Variants in FBLN2 observed in about 807,000 individuals in gnomAD.
FBLN2 encodes the protein fibulin-2.
Under a neutral mutation model 123.7 loss-of-function variants are expected in FBLN2, and 81 were observed. The ratio of observed to expected loss-of-function variants is 0.65; its 90% CI spans 0.55 to 0.79. The LOEUF (loss-of-function observed/expected upper bound fraction) is 0.79, where lower values mean the gene tolerates loss of function less well. FBLN2 is among the 30% of genes least tolerant of loss of function. The probability of loss-of-function intolerance (pLI) is 0.00; values close to 1 mark genes in which losing one functional copy is unlikely to be tolerated. For synonymous variants in FBLN2, 699 were observed against 701.4 expected, an observed-to-expected ratio of 1.00 and a Z score of 0.05; for missense variants, 1,603 against 1,681.3, an observed-to-expected ratio of 0.95 and a Z score of 0.81.
rs1259591797 is a variant in FBLN2, at chr3:13,613,964, A to G, written c.1549-20A>G. 1 of 1,606,618 alleles carries G rather than the reference A, an allele frequency of 6.2e-7. No individual in the cohort carries two copies. The highest frequency in any genetic ancestry group is 8.5e-7 in the Non-Finnish European group (1 of 1,177,752). Reference sequence around the variant, plus strand: ...GGCTGGGGCCAGAGATTGGGCAGTGATAACTGTCTCTCCCTGCAGCAATGC... The same window carrying G: ...GGCTGGGGCCAGAGATTGGGCAGTGGTAACTGTCTCTCCCTGCAGCAATGC... On this transcript the variant is annotated intron_variant, in intron 4 of 17. Coordinates refer to ENST00000404922, the MANE Select transcript of FBLN2 (RefSeq NM_001004019.2).
intron 1 of FBLN2, among the ~76,000 whole-genome samples, chr3:13,556,906 C>G (rs1313650236): frequency 6.6e-6 from 1 of 152,228 alleles, no homozygotes; most frequent in Non-Finnish European, 1.5e-5. Flanking sequence ...GATCTGTCAG[C>G]CCTGGGTCAA....
In FBLN2 at chr3:13,618,190, T is replaced by G. The variant is rs372118309; in HGVS notation, c.1844T>G (p.Leu615Arg). ...GAGTGCCTTCTCCTCCCGGGAGAGCTGTGCCAGCACCTTTGCATCAATACT... is the reference window on the plus strand; with the variant it reads ...GAGTGCCTTCTCCTCCCGGGAGAGCGGTGCCAGCACCTTTGCATCAATACT... ...QDECLLLPGELCQHLCINTVG... is the reference protein window; with the variant it reads ...QDECLLLPGERCQHLCINTVG... The change falls in exon 6 of 18, where the codon CTG becomes CGG. Residue 615 changes from leucine to arginine, a missense_variant. By Grantham distance (102) the Leu-to-Arg change is moderately radical. Coordinates refer to ENST00000404922, the MANE Select transcript of FBLN2 (RefSeq NM_001004019.2). 78 of 1,613,720 alleles carry G rather than the reference T, an allele frequency of 4.8e-5. 1 individual carries two copies. The highest frequency in any genetic ancestry group is 6.4e-5 in the Non-Finnish European group (76 of 1,179,904).
At chr3:13,627,643 C>T (rs1178923738) in intron 10 of FBLN2, among the ~76,000 whole-genome samples, 189 bp from the exon 11 acceptor site, 1 of 152,238 alleles carries the variant, frequency 6.6e-6, no homozygotes. Context: ...GCGCAGTAAA[C>T]ATGGTCACGT....
intron 2 of FBLN2, among the ~76,000 whole-genome samples, chr3:13,589,502 C>T (rs2124853263): frequency 6.6e-6 from 1 of 152,272 alleles, no homozygotes; most frequent in Middle Eastern, 3.4e-3. Context: ...CCACACTAAG[C>T]AGCTGGGACA....
intron 2 of FBLN2, among the ~76,000 whole-genome samples, chr3:13,577,233 A>G (rs1433731517): frequency 6.6e-6 from 1 of 151,746 alleles, no homozygotes; most frequent in Non-Finnish European, 1.5e-5. Context: ...AAAAAAAAAA[A>G]AAAAAAAAGC....
chr3:13,566,696 C>CA (rs1703757927), intron 1 of FBLN2, among the ~76,000 whole-genome samples: 1 of 152,216 alleles, frequency 6.6e-6, no homozygotes, highest in African/African-American at 2.4e-5. Context: ...GCCCAGACGA[C>CA]TTGGGGAACC....
Position 13,549,191 on chromosome 3 carries a change from C to T in FBLN2, c.-59C>T, listed in dbSNP as rs1703256727. On this transcript the variant is annotated 5_prime_UTR_variant, in exon 1 of 18. Transcript: ENST00000404922. Reference sequence around the variant, plus strand: ...GCCGGGCGGACGGACGGACGGACGCCGAGCGCAGTGCCCCGCGGTGAGTGC... The same window carrying T: ...GCCGGGCGGACGGACGGACGGACGCTGAGCGCAGTGCCCCGCGGTGAGTGC... 7.1e-6 allele frequency: 7 copies of T among 982,938 alleles called. No individual in the cohort carries two copies. Among genetic ancestry groups the T allele is most frequent in the Non-Finnish European group, 8.4e-6 (7 of 828,694 alleles). 60.9% of individuals were successfully genotyped at this position (982,938 alleles called of 1,614,324 possible).
intron 8 of FBLN2, among the ~76,000 whole-genome samples, chr3:13,620,739 TG>T (rs1440797535): frequency 2.0e-5 from 3 of 152,182 alleles, no homozygotes; most frequent in African/African-American, 7.2e-5. Flanking sequence ...GATGAGACCC[TG>T]GTGGGTGTCT....
intron 2 of FBLN2, among the ~76,000 whole-genome samples, chr3:13,575,286 A>G (rs1704098913): frequency 6.6e-6 from 1 of 152,152 alleles, no homozygotes; most frequent in South Asian, 2.1e-4. Context: ...CGTGATGACA[A>G]GTGGGCCATG....
At position 13,614,031 on chromosome 3, in the gene FBLN2, C is replaced by T; in HGVS notation, c.1596C>T (p.Gly532=). 3 of 1,613,486 alleles carry T rather than the reference C, an allele frequency of 1.9e-6. No individual in the cohort carries two copies. The highest frequency in any genetic ancestry group is 1.7e-6 in the Non-Finnish European group (2 of 1,179,866). Residue 532 remains glycine, a synonymous_variant, in exon 5 of 18, where the codon GGC becomes GGT. Coordinates refer to ENST00000404922, the MANE Select transcript of FBLN2 (RefSeq NM_001004019.2). ...TGGGCCTCCGCGTGCGGGCCGAGGG[C>T]CAGTCGTGTGAGTCCAATCCTAACC... ...CGLGLRVRAE[G]QSCESNPNLG...
intron 4 of FBLN2, among the ~76,000 whole-genome samples, chr3:13,613,577 A>G (rs1486079405): frequency 1.3e-5 from 2 of 152,160 alleles, no homozygotes; most frequent in African/African-American, 4.8e-5. Context: ...GGGAGCAAAA[A>G]CGATGTACTT....
chr3:13,593,944 C>A (rs948411812), intron 2 of FBLN2, among the ~76,000 whole-genome samples: 9 of 152,310 alleles, frequency 5.9e-5, no homozygotes, highest in African/African-American at 1.9e-4. Context: ...TCTTCCTCTG[C>A]CCCTGACACT....
chr3:13,637,618 G>A lies in FBLN2; in HGVS notation c.3395G>A (p.Arg1132His), dbSNP rs1225439422. The A allele has an allele frequency of 5.6e-6, 9 of 1,613,668 alleles. No homozygotes were observed. The highest frequency in any genetic ancestry group is 2.7e-5 in the African/African-American group (2 of 74,950). ...DFLECQNSPA[R>H]ITHYQLNFQT... Reference sequence around the variant, plus strand: ...CTGGAGTGCCAGAACTCGCCAGCGCGCATCACGCACTACCAGCTCAACTTC... The same window carrying A: ...CTGGAGTGCCAGAACTCGCCAGCGCACATCACGCACTACCAGCTCAACTTC... The change falls in exon 18 of 18, where the codon CGC becomes CAC. Residue 1132 changes from arginine (R) to histidine (H), a missense_variant. Physicochemically the swap from Arg to His is conservative, Grantham distance 29. Coordinates refer to ENST00000404922, the MANE Select transcript of FBLN2 (RefSeq NM_001004019.2).
Position 13,611,630 on chromosome 3 carries a change from A to G in FBLN2, c.1548+1988A>G, listed in dbSNP as rs866889047. On this transcript the variant is annotated intron_variant, in intron 4 of 17. Transcript: ENST00000404922. ...GTGTTTCCTTCCTTTCTGAGGTGCAATAATATTCCATTGTGTGGACAGACC... is the reference window on the plus strand; with the variant it reads ...GTGTTTCCTTCCTTTCTGAGGTGCAGTAATATTCCATTGTGTGGACAGACC... Among the ~76,000 whole-genome samples, 58 of 152,322 alleles carry G rather than the reference A, an allele frequency of 3.8e-4. No homozygotes were observed. The Middle Eastern group carries it at 0.01, about 27-fold the overall frequency.
chr3:13,578,914 G>A (rs1306452045), intron 2 of FBLN2, among the ~76,000 whole-genome samples: 1 of 152,212 alleles, frequency 6.6e-6, no homozygotes, highest in Non-Finnish European at 1.5e-5. Context: ...AATTAGCCGG[G>A]TGTGGTGGTG....
At chr3:13,587,129 A>G (rs1232069034) in intron 2 of FBLN2, among the ~76,000 whole-genome samples, 1 of 148,592 alleles carries the variant, frequency 6.7e-6, no homozygotes, top group African/African-American at 2.5e-5. Flanking sequence ...GGGGTGACAC[A>G]GCGAGACTCC....
At chr3:13,573,513 A>G (rs145185134) in intron 2 of FBLN2, among the ~76,000 whole-genome samples, 2 of 152,098 alleles carry the variant, frequency 1.3e-5, no homozygotes, top group Admixed American at 6.5e-5. Context: ...TCAAAGCCCC[A>G]AGCTCCCCAA....
chr3:13,584,087 G>A (rs543180415), intron 2 of FBLN2, among the ~76,000 whole-genome samples: 15 of 152,178 alleles, frequency 9.9e-5, no homozygotes, highest in Non-Finnish European at 1.8e-4. Context: ...AAGGGCAGTC[G>A]CTCCTGCTGT....
chr3:13,571,566 A>C lies in FBLN2; in HGVS notation c.1211A>C (p.Glu404Ala), dbSNP rs1418748002. 6.2e-7 allele frequency: 1 copy of C among 1,613,552 alleles called. No homozygotes were observed. Among genetic ancestry groups the C allele is most frequent in the Admixed American group, 1.7e-5 (1 of 59,990 alleles). The change falls in exon 2 of 18, where the codon GAA (glutamate) becomes GCA (alanine). Residue 404 changes from glutamate to alanine, a missense_variant. Physicochemically the swap from Glu to Ala is moderately radical, Grantham distance 107. Transcript: ENST00000404922. ...GCAGCCTGGATCCCACCCACCCGAG[A>C]AGTGCCCAGGAAGCCGCAAGTTCTG... ...PDAAWIPPTREVPRKPQVLPH... is the reference protein window; with the variant it reads ...PDAAWIPPTRAVPRKPQVLPH...
Sources: gnomAD v4.1 joint callset for allele counts (sites outside exome capture counted in the v4.1 genomes callset) on GRCh38, gnomAD v4.1.1 for gene constraint, MANE v1.5 for transcripts, NCBI Gene and HGNC (gene_info 2026-07-23, HGNC 2026-07-21) for gene names.